The following KCNN2 variants were observed in gnomAD, a reference collection of about 807,000 sequenced individuals.
KCNN2 encodes the protein small conductance calcium-activated potassium channel protein 2.
A neutral mutation model predicts 55.5 loss-of-function variants in KCNN2; 24 were observed. The observed-to-expected ratio is 0.43, with a 90% CI of 0.31 to 0.61. The LOEUF (loss-of-function observed/expected upper bound fraction) is 0.61. Ranked by LOEUF, KCNN2 falls within the 20% of genes least tolerant of loss-of-function variation. The pLI, the probability that KCNN2 is intolerant of heterozygous loss-of-function variation, is 0.08. For synonymous variants in KCNN2, 431 were observed against 336.1 expected, an observed-to-expected ratio of 1.28 and a Z score of -3.09; for missense variants, 754 against 853.6, an observed-to-expected ratio of 0.88 and a Z score of 1.45.
At chr5:114,369,165 C>T (rs1044802465) in intron 2 of KCNN2, among the ~76,000 whole-genome samples, 3 of 152,150 alleles carry the variant, frequency 2.0e-5, no homozygotes, top group East Asian at 3.9e-4. Context: ...CTTTCTCACA[C>T]GTTATTCCTC....
chr5:114,379,499 ATAT>A (rs1289142974), intron 2 of KCNN2, among the ~76,000 whole-genome samples: 45 of 109,778 alleles, frequency 4.1e-4, no homozygotes, highest in East Asian at 6.3e-4. Flanking sequence ...ATTATATAAC[ATAT>A]TATATATTTA....
At position 114,145,636 on chromosome 5, in the gene KCNN2, T is replaced by C. The variant is rs771050141; in HGVS notation, c.-270-75844T>C. Among the ~76,000 whole-genome samples the C allele has an allele frequency of 2.0e-5, 3 of 152,178 alleles. 1 individual carries two copies. The South Asian group carries it at 6.2e-4, about 32-fold the overall frequency. On this transcript the variant is annotated intron_variant, in intron 1 of 10. Transcript: ENST00000512097. Reference sequence around the variant, plus strand: ...GAAAGGGGTTCCGTCTTCTGAAGGTTGGGCAGGACAACGATCATCTACAGA... The same window carrying C: ...GAAAGGGGTTCCGTCTTCTGAAGGTCGGGCAGGACAACGATCATCTACAGA...
At chr5:114,246,560 C>T (rs1369878694) in intron 2 of KCNN2, among the ~76,000 whole-genome samples, 1 of 151,932 alleles carries the variant, frequency 6.6e-6, no homozygotes, top group Admixed American at 6.6e-5. Flanking sequence ...ATTGACATTA[C>T]CATTATATAA....
chr5:114,124,087 T>C (rs1056857344), intron 1 of KCNN2, among the ~76,000 whole-genome samples: 1 of 152,230 alleles, frequency 6.6e-6, no homozygotes, highest in African/African-American at 2.4e-5. Flanking sequence ...TATTTGGGTA[T>C]AGTTTTCATT....
At chr5:114,314,955 G>A (rs1756470958) in intron 2 of KCNN2, among the ~76,000 whole-genome samples, 1 of 152,102 alleles carries the variant, frequency 6.6e-6, no homozygotes, top group African/African-American at 2.4e-5. Context: ...TGTCACTGAG[G>A]CTAGTTCCTC....
chr5:114,319,414 T>G (rs999668542), intron 2 of KCNN2, among the ~76,000 whole-genome samples: 1 of 152,208 alleles, frequency 6.6e-6, no homozygotes. Context: ...CTTTCTGTCA[T>G]CAGTTGGCTG....
chr5:114,254,270 G>A (rs1373794910), intron 2 of KCNN2, among the ~76,000 whole-genome samples: 2 of 151,976 alleles, frequency 1.3e-5, no homozygotes, highest in Non-Finnish European at 2.9e-5. Flanking sequence ...AAAAAAATAA[G>A]CAAATGTATT....
chr5:114,235,198 C>G lies in KCNN2; in HGVS notation c.-185+13633C>G, dbSNP rs1389263129. On this transcript the variant is annotated intron_variant, in intron 2 of 10. Coordinates refer to the KCNN2 transcript ENST00000512097. The stretch of plus-strand genomic sequence containing the variant: ...TGATTAACCTAACTACCATTTGAGG[C>G]AAAGTAGCACAGTCACTGTCCTGAG... Among the ~76,000 whole-genome samples, 3 of 152,168 alleles carry G rather than the reference C, an allele frequency of 2.0e-5. No individual in the cohort carries two copies. In the South Asian group the frequency reaches 6.2e-4, roughly 32 times the overall value.
At chr5:114,394,235 G>A (rs1384866393) in intron 2 of KCNN2, among the ~76,000 whole-genome samples, 3 of 152,102 alleles carry the variant, frequency 2.0e-5, no homozygotes, top group African/African-American at 4.8e-5. Flanking sequence ...TTCTTCTTAT[G>A]ATTGAGGTTG....
At position 114,176,706 on chromosome 5, in the gene KCNN2, T is replaced by G. The variant is rs547116223; in HGVS notation, c.-270-44774T>G. Among the ~76,000 whole-genome samples, 94 of 152,286 alleles carry G rather than the reference T, an allele frequency of 6.2e-4. 2 individuals carry two copies. In the Middle Eastern group the frequency reaches 0.014, roughly 22 times the overall value. ...TTTATTAATGAGGGTACCAGTAAGATGTTAAACTAATCCAAAGAGCATTTG... is the reference window on the plus strand; with the variant it reads ...TTTATTAATGAGGGTACCAGTAAGAGGTTAAACTAATCCAAAGAGCATTTG... On this transcript the variant is annotated intron_variant, in intron 1 of 10. Transcript: ENST00000512097.
At chr5:114,449,221 C>G (rs1414210095) in intron 3 of KCNN2, among the ~76,000 whole-genome samples, 1 of 152,142 alleles carries the variant, frequency 6.6e-6, no homozygotes, top group Non-Finnish European at 1.5e-5. Context: ...ACCTTTTCCT[C>G]TCCCTCCTCT....
intron 3 of KCNN2, among the ~76,000 whole-genome samples, chr5:114,412,089 C>T (rs899161404): frequency 4.6e-5 from 7 of 152,162 alleles, no homozygotes; most frequent in African/African-American, 9.7e-5. Flanking sequence ...TGTAACTAGA[C>T]AGATTTCTAG....
chr5:114,256,237 A>C (rs1224778264), intron 2 of KCNN2, among the ~76,000 whole-genome samples: 1 of 152,098 alleles, frequency 6.6e-6, no homozygotes, highest in Non-Finnish European at 1.5e-5. Context: ...ATATATATAT[A>C]TCTACACATA....
At chr5:114,115,920 C>G (rs2112589582) in intron 1 of KCNN2, among the ~76,000 whole-genome samples, 1 of 152,124 alleles carries the variant, frequency 6.6e-6, no homozygotes, top group Non-Finnish European at 1.5e-5. Flanking sequence ...ATTTTGGAAT[C>G]AGGATGCAAA....
chr5:114,406,974 A>G (rs1758955955), intron 3 of KCNN2, among the ~76,000 whole-genome samples: 1 of 152,192 alleles, frequency 6.6e-6, no homozygotes, highest in Admixed American at 6.5e-5. Flanking sequence ...ACTTCAGAAT[A>G]TTGAAGTATC....
At chr5:114,429,408 T>C (rs1042527150) in intron 3 of KCNN2, among the ~76,000 whole-genome samples, 1 of 152,142 alleles carries the variant, frequency 6.6e-6, no homozygotes, top group South Asian at 2.1e-4. Flanking sequence ...ACAGATGATG[T>C]GGCGCATCTT....
chr5:114,082,317 G>A lies in KCNN2; in HGVS notation c.-271+25817G>A, dbSNP rs368372624. Among the ~76,000 whole-genome samples the A allele has an allele frequency of 2.5e-4, 38 of 149,074 alleles. No individual in the cohort carries two copies. In the East Asian group the frequency reaches 3.9e-3, roughly 15 times the overall value. On this transcript the variant is annotated intron_variant, in intron 1 of 10. Transcript: ENST00000512097. ...CCAGCCTGGGTGATAGAGTGAGACC[G>A]TATCTTTAAAAAAAAAAAAAAGAAA...
At chr5:114,106,861 A>G (rs1264848437) in intron 1 of KCNN2, among the ~76,000 whole-genome samples, 1 of 151,932 alleles carries the variant, frequency 6.6e-6, no homozygotes, top group East Asian at 1.9e-4. Context: ...CTTTTTATGA[A>G]CAGTTTTAAT....
At chr5:114,426,449 T>A (rs1759628051) in intron 3 of KCNN2, among the ~76,000 whole-genome samples, 1 of 152,230 alleles carries the variant, frequency 6.6e-6, no homozygotes, top group Non-Finnish European at 1.5e-5. Flanking sequence ...GATACTGGTC[T>A]ATAGTTTTTT....
Sources: allele counts gnomAD v4.1 joint callset (sites outside exome capture counted in the v4.1 genomes callset), GRCh38; gene constraint gnomAD v4.1.1; transcripts MANE v1.5; gene names NCBI Gene and HGNC (gene_info 2026-07-23, HGNC 2026-07-21).